EIF4E3: variants seen among roughly 807,000 people sequenced by gnomAD.
The protein encoded by EIF4E3 is eukaryotic translation initiation factor 4E type 3.
Under a neutral mutation model 31.7 loss-of-function variants are expected in EIF4E3, and 26 were observed. The observed-to-expected ratio is 0.82, with a 90% confidence interval of 0.60 to 1.14. The LOEUF (loss-of-function observed/expected upper bound fraction) is 1.14. Ranked by LOEUF, EIF4E3 falls within the 50% of genes most tolerant of loss-of-function variation. The pLI is 0.00. For missense variants in EIF4E3, 304 were observed against 270.9 expected (o/e 1.12, Z -0.86); for synonymous variants, 128 against 107.7 (o/e 1.19, Z -1.17).
At chr3:71,684,766 A>G in intron 6 of EIF4E3, 38 bp from the exon 7 acceptor site, 2 of 1,608,942 alleles carry the variant, frequency 1.2e-6, no homozygotes, top group Non-Finnish European at 8.5e-7. Context: ...AAAAAAAGGA[A>G]AGAAAACTTT....
intron 4 of EIF4E3, among the ~76,000 whole-genome samples, chr3:71,695,070 T>C (rs2049117019): frequency 6.6e-6 from 1 of 152,182 alleles, no homozygotes; most frequent in Non-Finnish European, 1.5e-5. Flanking sequence ...CTTTCATTCT[T>C]TTCTTTTCTC....
downstream of EIF4E3, among the ~76,000 whole-genome samples, chr3:71,670,457 C>A (rs1166285162): frequency 6.6e-6 from 1 of 152,182 alleles, no homozygotes; most frequent in African/African-American, 2.4e-5. Flanking sequence ...CGTCTCAGCC[C>A]CAAGCAGCCC....
intron 1 of EIF4E3, among the ~76,000 whole-genome samples, chr3:71,712,170 T>C (rs1030263020): frequency 6.6e-6 from 1 of 152,156 alleles, no homozygotes; most frequent in African/African-American, 2.4e-5. Flanking sequence ...GAAAAGCAAA[T>C]CCACATTAAA....
upstream of EIF4E3, among the ~76,000 whole-genome samples, chr3:71,730,282 C>T (rs891523002): frequency 6.6e-5 from 10 of 152,166 alleles, no homozygotes; most frequent in Non-Finnish European, 1.5e-4. Flanking sequence ...TAGGTAAACC[C>T]TGTGACTCTG....
At chr3:71,714,240 GGAAA>G (rs762377821) in intron 1 of EIF4E3, among the ~76,000 whole-genome samples, 1,264 of 102,642 alleles carry the variant, frequency 0.012, 15 homozygotes, top group African/African-American at 0.043. Flanking sequence ...AAGGGAAGAA[GGAAA>G]GGAAGGAAGG....
At chr3:71,738,231 C>T (rs1049669281) in intron 1 of EIF4E3, among the ~76,000 whole-genome samples, 1 of 152,106 alleles carries the variant, frequency 6.6e-6, no homozygotes, top group African/African-American at 2.4e-5. Flanking sequence ...AGCAGCCTTG[C>T]AAGACAGAAA....
At chr3:71,671,817 T>G (rs1358591020), downstream of EIF4E3, among the ~76,000 whole-genome samples, 1 of 151,078 alleles carries the variant, frequency 6.6e-6, no homozygotes, top group Non-Finnish European at 1.5e-5. Flanking sequence ...TTTTTTTTTT[T>G]GGAAGCCTTT....
At chr3:71,749,286 A>G in intron 1 of EIF4E3, among the ~76,000 whole-genome samples, 1 of 152,218 alleles carries the variant, frequency 6.6e-6, no homozygotes, top group East Asian at 1.9e-4. Context: ...ATGCACAGCT[A>G]GTCAGTGGTG....
chr3:71,699,741 T>C (rs771445347), intron 2 of EIF4E3, 33 bp from the exon 3 acceptor site: 10 of 1,546,454 alleles, frequency 6.5e-6, no homozygotes, highest in South Asian at 3.4e-5. Context: ...TTGTTTAATA[T>C]ACCCAGTATT....
chr3:71,662,011 G>T, the EIF4E3 span, among the ~76,000 whole-genome samples: 1 of 152,150 alleles, frequency 6.6e-6, no homozygotes, highest in East Asian at 1.9e-4. Context: ...TTAAGCAAGC[G>T]AATACATGTA....
upstream of EIF4E3, chr3:71,754,572 C>G (rs912881981): frequency 7.1e-7 from 1 of 1,399,598 alleles, no homozygotes; most frequent in African/African-American, 1.5e-5. The surrounding 1 kb of genome is among the most constrained non-coding windows in gnomAD (Gnocchi z 5.8). Flanking sequence ...CGCCCTGGAG[C>G]AGCGGCCCGA....
At chr3:71,744,718 C>G (rs1298102002) in intron 1 of EIF4E3, among the ~76,000 whole-genome samples, 1 of 152,212 alleles carries the variant, frequency 6.6e-6, no homozygotes, top group African/African-American at 2.4e-5. Context: ...GCACTCCAGG[C>G]TGGGTGACAG....
chr3:71,699,956 T>C (rs1359493441), intron 2 of EIF4E3, among the ~76,000 whole-genome samples: 2 of 152,168 alleles, frequency 1.3e-5, no homozygotes, highest in Non-Finnish European at 2.9e-5. Flanking sequence ...GCGGATCACT[T>C]GAGCCCAGGA....
the EIF4E3 span, among the ~76,000 whole-genome samples, chr3:71,661,449 T>C: frequency 6.6e-6 from 1 of 152,200 alleles, no homozygotes; most frequent in African/African-American, 2.4e-5. Context: ...GATCTTGCTG[T>C]CACCTCTCAG....
intron 2 of EIF4E3, among the ~76,000 whole-genome samples, chr3:71,700,612 TA>T (rs377334249): frequency 0.06 from 7,580 of 127,310 alleles, 300 homozygotes; most frequent in African/African-American, 0.12. Flanking sequence ...AGACTCCGTT[TA>T]AAAAAAAAAA....
chr3:71,662,101 T>C, the EIF4E3 span, among the ~76,000 whole-genome samples: 6 of 152,266 alleles, frequency 3.9e-5, no homozygotes, highest in Non-Finnish European at 7.3e-5. Flanking sequence ...CTTAATTTCT[T>C]GTTTCCATTT....
At chr3:71,664,517 GAGTC>G in the EIF4E3 span, among the ~76,000 whole-genome samples, 1 of 152,140 alleles carries the variant, frequency 6.6e-6, no homozygotes, top group Non-Finnish European at 1.5e-5. Context: ...CTCAGGAAAA[GAGTC>G]AGGTAGAACC....
chr3:71,746,944 T>C (rs2049879875), intron 1 of EIF4E3, among the ~76,000 whole-genome samples: 1 of 152,276 alleles, frequency 6.6e-6, no homozygotes, highest in Admixed American at 6.5e-5. Context: ...TCATCCACGC[T>C]GGAGCATCAC....
chr3:71,725,448 G>A, upstream of EIF4E3: 1 of 730,048 alleles, frequency 1.4e-6, no homozygotes. This position sits in a 1 kb window ranked among gnomAD's most constrained non-coding sequence, Gnocchi z 6.1. Context: ...CCCCCGCCCC[G>A]CCCCGCCCCG....
Sources: gnomAD v4.1 joint callset for allele counts (sites outside exome capture counted in the v4.1 genomes callset) on GRCh38, gnomAD v4.1.1 for gene constraint, Gnocchi (gnomAD v3.1) non-coding constraint, MANE v1.5 for transcripts, NCBI Gene and HGNC (gene_info 2026-07-23, HGNC 2026-07-21) for gene names.